Variants in MAP2 observed in about 807,000 individuals in gnomAD.
MAP2 encodes the protein microtubule-associated protein 2.
Under a neutral mutation model 137.6 loss-of-function variants are expected in MAP2, and 14 were observed. That is an observed-to-expected ratio of 0.10 (90% CI 0.07 to 0.16). The LOEUF (loss-of-function observed/expected upper bound fraction) is 0.16, where lower values mean the gene tolerates loss of function less well. Ranked by LOEUF, MAP2 falls within the 10% of genes least tolerant of loss-of-function variation. MAP2 has a pLI of 1.00. For synonymous variants in MAP2, 786 were observed against 782.3 expected, an observed-to-expected ratio of 1.00 and a Z score of -0.08; for missense variants, 2,088 against 2,191.5, an observed-to-expected ratio of 0.95 and a Z score of 0.94.
At chr2:209,614,163 C>T (rs1478245294) in intron 3 of MAP2, among the ~76,000 whole-genome samples, 1 of 151,934 alleles carries the variant, frequency 6.6e-6, no homozygotes, top group Non-Finnish European at 1.5e-5. Context: ...CCTCCTTCCT[C>T]CATTCCGACT....
chr2:209,625,155 G>C (rs2092049715), intron 4 of MAP2, 26 bp downstream of exon 4: 1 of 152,086 alleles, frequency 6.6e-6, no homozygotes, highest in Admixed American at 6.6e-5. Context: ...CTCTGAAAGA[G>C]TTACCTACAA....
intron 11 of MAP2, chr2:209,704,147 T>C (rs1283992121): frequency 1.2e-5 from 5 of 427,852 alleles, no homozygotes; most frequent in Non-Finnish European, 2.3e-5. Context: ...CCAGTGTCTA[T>C]TGTTGCCATC....
chr2:209,453,548 A>G (rs1559180584), intron 1 of MAP2, among the ~76,000 whole-genome samples: 2 of 152,202 alleles, frequency 1.3e-5, no homozygotes, highest in South Asian at 2.1e-4. Flanking sequence ...ATATATACCT[A>G]TGACTGTTAC....
At chr2:209,599,122 T>G (rs1309574972) in intron 3 of MAP2, among the ~76,000 whole-genome samples, 1 of 152,218 alleles carries the variant, frequency 6.6e-6, no homozygotes, top group Non-Finnish European at 1.5e-5. Flanking sequence ...GTTTCCTGAC[T>G]TTTTAAAGAT....
At chr2:209,730,084 G>T in intron 15 of MAP2, 98 bp from the exon 16 acceptor site, 2 of 1,176,530 alleles carry the variant, frequency 1.7e-6, no homozygotes, top group South Asian at 2.6e-5. Flanking sequence ...TAACAGAGGT[G>T]AATAGAAGTC....
chr2:209,670,069 A>T (rs911258331), intron 5 of MAP2, among the ~76,000 whole-genome samples: 3 of 152,048 alleles, frequency 2.0e-5, no homozygotes, highest in Non-Finnish European at 4.4e-5. Flanking sequence ...AGAACATTTC[A>T]AAGTTCCAAA....
chr2:209,537,762 T>C (rs1370167206), intron 2 of MAP2, among the ~76,000 whole-genome samples: 1 of 152,224 alleles, frequency 6.6e-6, no homozygotes, highest in East Asian at 1.9e-4. Context: ...ACTCTCTCAC[T>C]GATATTCTTG....
At chr2:209,443,771 A>G (rs891262736) in intron 1 of MAP2, among the ~76,000 whole-genome samples, 10 of 151,582 alleles carry the variant, frequency 6.6e-5, no homozygotes, top group African/African-American at 2.4e-4. Context: ...TATTCAGTGA[A>G]TTTTCATAAA....
At chr2:209,659,750 G>A (rs954800960) in intron 5 of MAP2, among the ~76,000 whole-genome samples, 2 of 151,680 alleles carry the variant, frequency 1.3e-5, no homozygotes, top group Non-Finnish European at 2.9e-5. Context: ...AAAAAATGCT[G>A]ATCACAGACC....
chr2:209,485,310 T>C (rs1034215473), intron 1 of MAP2, among the ~76,000 whole-genome samples: 1 of 152,212 alleles, frequency 6.6e-6, no homozygotes, highest in Non-Finnish European at 1.5e-5. Flanking sequence ...TTAAATAATT[T>C]TGTGCTTGGC....
rs1435465346 is a variant in MAP2, at chr2:209,426,588, C to A, written c.-222+2312C>A. On this transcript the variant is annotated intron_variant, in intron 1 of 15. Transcript: ENST00000682079. ...AGTGAAACTGGCACAGCCATTACCTCATCCTAGTAGGTACTTCAGATTCAT... is the reference window on the plus strand; with the variant it reads ...AGTGAAACTGGCACAGCCATTACCTAATCCTAGTAGGTACTTCAGATTCAT... Among the ~76,000 whole-genome samples, 8 of 152,222 alleles carry A rather than the reference C, an allele frequency of 5.3e-5. No homozygotes were observed. In the East Asian group the frequency reaches 1.3e-3, roughly 26 times the overall value.
chr2:209,590,085 C>A (rs564996813), intron 3 of MAP2, among the ~76,000 whole-genome samples: 1 of 152,188 alleles, frequency 6.6e-6, no homozygotes, highest in Admixed American at 6.5e-5. Context: ...ATGCTCAGTG[C>A]AGCGACCCAC....
At chr2:209,728,821 C>T (rs953541117) in intron 14 of MAP2, among the ~76,000 whole-genome samples, 2 of 152,064 alleles carry the variant, frequency 1.3e-5, no homozygotes, top group African/African-American at 2.4e-5. Context: ...CTGTAAGATA[C>T]ATCACAATCA....
At chr2:209,520,008 G>T (rs561676947) in intron 2 of MAP2, among the ~76,000 whole-genome samples, 4 of 152,014 alleles carry the variant, frequency 2.6e-5, no homozygotes, top group Non-Finnish European at 5.9e-5. Context: ...ATGTGTTTCA[G>T]ACTGGACATC....
chr2:209,497,381 G>A (rs987479023), intron 1 of MAP2, among the ~76,000 whole-genome samples: 51 of 152,206 alleles, frequency 3.4e-4, no homozygotes, highest in Admixed American at 1.2e-3. Context: ...TATAGCCCTC[G>A]CCAGAACCTG....
intron 1 of MAP2, among the ~76,000 whole-genome samples, chr2:209,452,766 C>T (rs987232819): frequency 6.6e-6 from 1 of 152,146 alleles, no homozygotes; most frequent in Non-Finnish European, 1.5e-5. Context: ...CTTTATGCAA[C>T]CTGAAACATG....
intron 1 of MAP2, among the ~76,000 whole-genome samples, chr2:209,495,122 A>G (rs1200775605): frequency 2.6e-5 from 4 of 152,252 alleles, no homozygotes; most frequent in Non-Finnish European, 5.9e-5. Flanking sequence ...CTGTAGCCAG[A>G]CTGCCTCTGT....
intron 3 of MAP2, among the ~76,000 whole-genome samples, chr2:209,618,077 T>C (rs2090071714): frequency 6.6e-6 from 1 of 152,008 alleles, no homozygotes; most frequent in African/African-American, 2.4e-5. Context: ...ATCAAATAAA[T>C]ATAAGAAACG....
intron 1 of MAP2, among the ~76,000 whole-genome samples, chr2:209,467,456 C>T (rs1250091894): frequency 6.6e-6 from 1 of 152,122 alleles, no homozygotes; most frequent in East Asian, 1.9e-4. Context: ...AGATTTGTCT[C>T]TTCCTACTAC....
Sources: allele counts gnomAD v4.1 joint callset (sites outside exome capture counted in the v4.1 genomes callset), GRCh38; gene constraint gnomAD v4.1.1; transcripts MANE v1.5; gene names NCBI Gene and HGNC (gene_info 2026-07-23, HGNC 2026-07-21).